Variants in CSMD1 observed in about 807,000 individuals in gnomAD.
CSMD1 encodes CUB and sushi domain-containing protein 1.
A neutral mutation model predicts 417.5 loss-of-function variants in CSMD1; 213 were observed. The observed-to-expected ratio is 0.51, with a 90% CI of 0.46 to 0.57. The LOEUF is 0.57. Among genes scored for constraint, CSMD1 ranks in the 20% least tolerant of loss-of-function variants. The probability of loss-of-function intolerance (pLI) is 0.00; values close to 1 mark genes in which losing one functional copy is unlikely to be tolerated. For synonymous variants in CSMD1, 2,862 were observed against 1,736.8 expected, an observed-to-expected ratio of 1.65 and a Z score of -16.11; for missense variants, 6,923 against 4,529.7, an observed-to-expected ratio of 1.53 and a Z score of -15.17.
At chr8:3,983,840 C>T (rs1272742454) in intron 5 of CSMD1, among the ~76,000 whole-genome samples, 3 of 149,388 alleles carry the variant, frequency 2.0e-5, no homozygotes, top group South Asian at 2.1e-4. Flanking sequence ...CAGATCTGGC[C>T]GGCTGTCAAT....
At chr8:3,551,123 A>C (rs763626413) in intron 10 of CSMD1, among the ~76,000 whole-genome samples, 4 of 152,190 alleles carry the variant, frequency 2.6e-5, no homozygotes, top group Non-Finnish European at 4.4e-5. Flanking sequence ...CCTCTTTGTG[A>C]TTCAGTTTTC....
rs542294869 is a variant in CSMD1 at position 4,102,037 on chromosome 8, T to C, written c.416-69938A>G. The stretch of plus-strand genomic sequence containing the variant: ...GATTACTGTCACAGATATGCAGAAA[T>C]CCCAAGTCAGTCTTCTGAGATCAGC... On this transcript the variant is annotated intron_variant, in intron 3 of 69. Coordinates refer to ENST00000635120, the MANE Select transcript of CSMD1 (RefSeq NM_033225.6). Among the ~76,000 whole-genome samples, 3 of 152,284 alleles carry C rather than the reference T, an allele frequency of 2.0e-5. No homozygotes were observed. In the South Asian group the frequency reaches 6.2e-4, roughly 32 times the overall value.
intron 3 of CSMD1, among the ~76,000 whole-genome samples, chr8:4,172,816 G>T (rs944341740): frequency 2.6e-5 from 4 of 152,076 alleles, no homozygotes; most frequent in African/African-American, 9.7e-5. Flanking sequence ...GCAGCCCCTG[G>T]ATATGTCCAT....
intron 1 of CSMD1, among the ~76,000 whole-genome samples, chr8:4,666,948 T>C (rs1426321397): frequency 6.6e-6 from 1 of 152,210 alleles, no homozygotes; most frequent in Admixed American, 6.5e-5. Flanking sequence ...TTGTGAAGCA[T>C]TTATAAAATT....
intron 7 of CSMD1, among the ~76,000 whole-genome samples, chr8:3,636,611 A>C (rs1435409591): frequency 6.6e-6 from 1 of 152,156 alleles, no homozygotes; most frequent in Non-Finnish European, 1.5e-5. Flanking sequence ...TCTTTTCAGG[A>C]AATGTTTTCT....
At position 4,994,582 on chromosome 8, in the gene CSMD1, C is replaced by T. The variant is rs1448081212; in HGVS notation, c.-166G>A. On this transcript the variant is annotated 5_prime_UTR_variant, in exon 1 of 70. Transcript: ENST00000635120. ...CTCCTGAAGGTCTGGGCGCCCGGCTCGCTTCCCTCTCATAGCATCGGGTCC... is the reference window on the plus strand; with the variant it reads ...CTCCTGAAGGTCTGGGCGCCCGGCTTGCTTCCCTCTCATAGCATCGGGTCC... 4.7e-6 allele frequency: 3 copies of T among 632,892 alleles called. No homozygotes were observed. The highest frequency in any genetic ancestry group is 1.8e-5 in the South Asian group (1 of 54,634). The allele number at this position is 632,892 out of a possible 1,614,324, so 39.2% of individuals were successfully genotyped here.
rs1029110240 is a variant in CSMD1 at position 4,884,701 on chromosome 8, G to A, written c.85+109631C>T. ...CCAGAAAAATAAGGGTTTATTTTTGGACTCTCAGTTTCCTTCCTTGGATCA... is the reference window on the plus strand; with the variant it reads ...CCAGAAAAATAAGGGTTTATTTTTGAACTCTCAGTTTCCTTCCTTGGATCA... On this transcript the variant is annotated intron_variant, in intron 1 of 69. Coordinates refer to ENST00000635120, the MANE Select transcript of CSMD1 (RefSeq NM_033225.6). Among the ~76,000 whole-genome samples the A allele has an allele frequency of 3.3e-5, 5 of 152,082 alleles. 1 individual carries two copies. The highest frequency in any genetic ancestry group is 6.5e-5 in the Admixed American group (1 of 15,282).
intron 3 of CSMD1, among the ~76,000 whole-genome samples, chr8:4,166,595 G>C (rs1478831217): frequency 6.6e-6 from 1 of 152,072 alleles, no homozygotes; most frequent in Admixed American, 6.5e-5. Flanking sequence ...TGGACTTTGG[G>C]GACTCACGGT....
chr8:4,624,056 C>G (rs1310884022), intron 2 of CSMD1, among the ~76,000 whole-genome samples: 1 of 152,114 alleles, frequency 6.6e-6, no homozygotes, highest in African/African-American at 2.4e-5. Context: ...TTCAAAATGA[C>G]TATCTCTAGC....
intron 2 of CSMD1, among the ~76,000 whole-genome samples, chr8:4,546,840 A>G (rs958444792): frequency 1.3e-5 from 2 of 152,076 alleles, no homozygotes; most frequent in Non-Finnish European, 2.9e-5. Flanking sequence ...TATATAATAC[A>G]ACATATGCAT....
chr8:3,216,389 C>T (rs1250965685), intron 29 of CSMD1, among the ~76,000 whole-genome samples: 3 of 152,150 alleles, frequency 2.0e-5, no homozygotes, highest in African/African-American at 4.8e-5. Flanking sequence ...GACTTGTTCA[C>T]AATATTTTCC....
At chr8:3,004,226 C>T (rs1027454174) in intron 52 of CSMD1, among the ~76,000 whole-genome samples, 1 of 152,126 alleles carries the variant, frequency 6.6e-6, no homozygotes, top group Non-Finnish European at 1.5e-5. Context: ...TGTGATTTGT[C>T]TTGATTTTGC....
chr8:4,008,890 G>A (rs770867643), intron 4 of CSMD1, among the ~76,000 whole-genome samples: 5 of 151,960 alleles, frequency 3.3e-5, no homozygotes, highest in African/African-American at 4.8e-5. Flanking sequence ...GATTACAGGC[G>A]TGAGCCACCG....
chr8:4,449,385 A>T (rs149966264), intron 2 of CSMD1, among the ~76,000 whole-genome samples: 19 of 152,192 alleles, frequency 1.2e-4, no homozygotes, highest in Non-Finnish European at 7.3e-5. Context: ...GGTGTATAAC[A>T]TAAGAGATAC....
At chr8:3,019,850 T>G (rs1275813144) in intron 51 of CSMD1, among the ~76,000 whole-genome samples, 2 of 152,344 alleles carry the variant, frequency 1.3e-5, no homozygotes, top group Middle Eastern at 3.4e-3. Flanking sequence ...AGGGAGGAAC[T>G]CACAAGGTTA....
intron 3 of CSMD1, among the ~76,000 whole-genome samples, chr8:4,148,378 G>T (rs1316401375): frequency 9.3e-6 from 1 of 107,856 alleles, no homozygotes; most frequent in Non-Finnish European, 1.8e-5. Context: ...TGGGGTGGGG[G>T]GAGGGCGGAG....
At chr8:3,414,732 CA>C (rs1332855742) in intron 12 of CSMD1, among the ~76,000 whole-genome samples, 2 of 152,186 alleles carry the variant, frequency 1.3e-5, no homozygotes, top group African/African-American at 4.8e-5. Flanking sequence ...CGGTGTTTCA[CA>C]ATCCAGACTT....
intron 3 of CSMD1, among the ~76,000 whole-genome samples, chr8:4,324,903 G>T (rs1799470363): frequency 6.6e-6 from 1 of 152,158 alleles, no homozygotes; most frequent in Non-Finnish European, 1.5e-5. Context: ...TCTGAGTCCT[G>T]AGTTGATTCT....
At chr8:4,329,101 A>G (rs1799720336) in intron 3 of CSMD1, among the ~76,000 whole-genome samples, 1 of 152,162 alleles carries the variant, frequency 6.6e-6, no homozygotes, top group Non-Finnish European at 1.5e-5. Context: ...CAAGCCTTGT[A>G]TTGCGTCTAC....
Sources: allele counts gnomAD v4.1 joint callset (sites outside exome capture counted in the v4.1 genomes callset), GRCh38; gene constraint gnomAD v4.1.1; transcripts MANE v1.5; gene names NCBI Gene and HGNC (gene_info 2026-07-23, HGNC 2026-07-21).